The following MEI4 variants were observed in gnomAD, a reference collection of about 807,000 sequenced individuals.
The protein encoded by MEI4 is meiosis-specific protein MEI4.
MEI4 carries 27 observed loss-of-function variants against 31.4 expected under a neutral mutation model. The ratio of observed to expected loss-of-function variants is 0.86; its 90% CI spans 0.63 to 1.19. The LOEUF (loss-of-function observed/expected upper bound fraction) is 1.19. Among genes scored for constraint, MEI4 ranks in the 50% most tolerant of loss-of-function variants. The pLI, the probability that MEI4 is intolerant of heterozygous loss-of-function variation, is 0.00. For missense variants in MEI4, 329 were observed against 398.9 expected (o/e 0.82, Z 1.49); for synonymous variants, 122 against 145.4 (o/e 0.84, Z 1.16).
At chr6:77,765,924 G>T (rs192119986) in intron 3 of MEI4, among the ~76,000 whole-genome samples, 3 of 151,992 alleles carry the variant, frequency 2.0e-5, no homozygotes, top group African/African-American at 7.3e-5. Context: ...GCAAAGTATC[G>T]CAAGGACAAA....
intron 4 of MEI4, among the ~76,000 whole-genome samples, chr6:77,911,437 G>T (rs1434088869): frequency 6.6e-6 from 1 of 151,848 alleles, no homozygotes; most frequent in Non-Finnish European, 1.5e-5. Context: ...ATAGGTAGTT[G>T]TTCAGGTATT....
intron 4 of MEI4, among the ~76,000 whole-genome samples, chr6:77,902,220 T>G (rs1395538824): frequency 6.6e-6 from 1 of 152,038 alleles, no homozygotes; most frequent in Non-Finnish European, 1.5e-5. Flanking sequence ...TATTAAAACT[T>G]TTTCTCTCTC....
chr6:77,771,038 T>C (rs1768302207), intron 3 of MEI4, among the ~76,000 whole-genome samples: 1 of 152,116 alleles, frequency 6.6e-6, no homozygotes, highest in South Asian at 2.1e-4. Flanking sequence ...CAATCTGTGC[T>C]CTGACAAAGT....
chr6:77,918,875 TG>T (rs1346570915), intron 4 of MEI4, among the ~76,000 whole-genome samples: 1 of 152,114 alleles, frequency 6.6e-6, no homozygotes, highest in Non-Finnish European at 1.5e-5. Context: ...TTCCAGTTTT[TG>T]CCCATTCAGT....
chr6:77,765,939 C>T (rs541603548), intron 3 of MEI4, among the ~76,000 whole-genome samples: 2 of 152,114 alleles, frequency 1.3e-5, no homozygotes, highest in Non-Finnish European at 2.9e-5. Context: ...GACAAAAAAC[C>T]AAACACCACA....
intron 4 of MEI4, among the ~76,000 whole-genome samples, chr6:77,834,742 GTAAAGAT>G (rs1278141925): frequency 6.6e-6 from 1 of 152,120 alleles, no homozygotes; most frequent in African/African-American, 2.4e-5. Flanking sequence ...GCACTAGAGG[GTAAAGAT>G]TAAAGGCTGG....
chr6:77,817,585 T>C (rs192477519), intron 3 of MEI4, among the ~76,000 whole-genome samples: 4 of 152,248 alleles, frequency 2.6e-5, no homozygotes, highest in Admixed American at 2.6e-4. Context: ...TTTATAGACT[T>C]TAAAACCTAT....
intron 1 of MEI4, among the ~76,000 whole-genome samples, chr6:77,663,473 C>G (rs1050984947): frequency 2.0e-5 from 3 of 152,046 alleles, no homozygotes; most frequent in Non-Finnish European, 4.4e-5. Context: ...TGAGATATAG[C>G]TGTAGTCCAG....
chr6:77,811,487 T>C (rs746656858), intron 3 of MEI4, among the ~76,000 whole-genome samples: 6 of 152,134 alleles, frequency 3.9e-5, no homozygotes, highest in Non-Finnish European at 8.8e-5. Flanking sequence ...AAATAAGCCA[T>C]GTTAGAAGTA....
chr6:77,736,518 A>T (rs1767236994), intron 2 of MEI4, among the ~76,000 whole-genome samples: 2 of 152,038 alleles, frequency 1.3e-5, no homozygotes, highest in African/African-American at 4.8e-5. Flanking sequence ...GCACACACTG[A>T]CCTGCGCCCA....
intron 4 of MEI4, among the ~76,000 whole-genome samples, chr6:77,898,793 G>A (rs1306944230): frequency 6.6e-6 from 1 of 151,932 alleles, no homozygotes; most frequent in African/African-American, 2.4e-5. Context: ...TCCAAGGAAT[G>A]TGACTTTCCT....
At chr6:77,736,658 C>T (rs559403150) in intron 2 of MEI4, among the ~76,000 whole-genome samples, 2 of 152,118 alleles carry the variant, frequency 1.3e-5, no homozygotes, top group South Asian at 2.1e-4. Flanking sequence ...TTGGCTCCTA[C>T]CCCCTTAATT....
chr6:77,907,217 A>G (rs1474355716), intron 4 of MEI4, among the ~76,000 whole-genome samples: 1 of 152,006 alleles, frequency 6.6e-6, no homozygotes, highest in Non-Finnish European at 1.5e-5. Context: ...TACATGTGCC[A>G]TGTTGGTGTG....
At chr6:77,801,887 G>T (rs1399578229) in intron 3 of MEI4, among the ~76,000 whole-genome samples, 1 of 152,098 alleles carries the variant, frequency 6.6e-6, no homozygotes, top group Non-Finnish European at 1.5e-5. Flanking sequence ...GGAGTGCTTT[G>T]CTTCCAAATA....
chr6:77,893,572 C>G (rs1363878730), intron 4 of MEI4, among the ~76,000 whole-genome samples: 1 of 152,164 alleles, frequency 6.6e-6, no homozygotes, highest in Non-Finnish European at 1.5e-5. Context: ...CAAAGCCGTC[C>G]TCTTTGTTGA....
chr6:77,765,308 C>T (rs912086603), intron 3 of MEI4, among the ~76,000 whole-genome samples: 4 of 149,760 alleles, frequency 2.7e-5, no homozygotes, highest in African/African-American at 5.1e-5. Flanking sequence ...GTAGCAGCAA[C>T]GTGAGATATT....
intron 4 of MEI4, among the ~76,000 whole-genome samples, chr6:77,917,161 A>G (rs1165809942): frequency 2.0e-5 from 3 of 152,016 alleles, no homozygotes; most frequent in African/African-American, 7.3e-5. Context: ...TTCTTAATCC[A>G]GTCTATCATT....
chr6:77,771,379 G>T (rs781316157), intron 3 of MEI4, among the ~76,000 whole-genome samples: 1 of 150,874 alleles, frequency 6.6e-6, no homozygotes, highest in Non-Finnish European at 1.5e-5. Context: ...AAGTATTGTG[G>T]TGATTTTCTA....
At chr6:77,685,765 A>G (rs1169814816) in intron 1 of MEI4, among the ~76,000 whole-genome samples, 1 of 152,144 alleles carries the variant, frequency 6.6e-6, no homozygotes. Context: ...TGCATATTCT[A>G]TAATTCCCAC....
Sources: gnomAD v4.1 joint callset for allele counts (sites outside exome capture counted in the v4.1 genomes callset) on GRCh38, gnomAD v4.1.1 for gene constraint, MANE v1.5 for transcripts, NCBI Gene and HGNC (gene_info 2026-07-23, HGNC 2026-07-21) for gene names.